Variants in VAT1L observed in about 807,000 individuals in gnomAD.
VAT1L encodes the protein putative NADPH-dependent quinone oxidoreductase VAT1L.
Under a neutral mutation model 44.1 loss-of-function variants are expected in VAT1L, and 34 were observed. The ratio of observed to expected loss-of-function variants is 0.77; its 90% confidence interval spans 0.59 to 1.03. The LOEUF is 1.03. Among genes scored for constraint, VAT1L ranks in the 50% least tolerant of loss-of-function variants. The probability of loss-of-function intolerance (pLI) is 0.00; values close to 1 mark genes in which losing one functional copy is unlikely to be tolerated. For synonymous variants in VAT1L, 253 were observed against 202.2 expected, an observed-to-expected ratio of 1.25 and a Z score of -2.13; for missense variants, 615 against 538.8, an observed-to-expected ratio of 1.14 and a Z score of -1.40.
At position 77,930,705 on chromosome 16, in the gene VAT1L, G is replaced by A. The variant is rs201439433; in HGVS notation, c.1078-41145G>A. ...GCCCCCACTGTTAAGAAAACCTTCAGTCTTCTTCCCAGGAAATGGACATCT... is the reference window on the plus strand; with the variant it reads ...GCCCCCACTGTTAAGAAAACCTTCAATCTTCTTCCCAGGAAATGGACATCT... On this transcript the variant is annotated intron_variant, in intron 7 of 8. Transcript: ENST00000302536. Among the ~76,000 whole-genome samples, 3 of 152,138 alleles carry A rather than the reference G, an allele frequency of 2.0e-5. No individual in the cohort carries two copies. In the East Asian group the frequency reaches 5.8e-4, roughly 29 times the overall value.
chr16:77,951,068 A>G (rs2018036891), intron 7 of VAT1L, among the ~76,000 whole-genome samples: 1 of 152,196 alleles, frequency 6.6e-6, no homozygotes, highest in South Asian at 2.1e-4. Flanking sequence ...AAATATATTA[A>G]CCTGATCAAA....
At position 77,964,161 on chromosome 16, in the gene VAT1L, T is replaced by C. The variant is rs555845216; in HGVS notation, c.1078-7689T>C. ...TCTCCCTGAATCCCTATTGCTCAGCTCTTTCTGTGGCTCACTCCTTCCTGC... is the reference window on the plus strand; with the variant it reads ...TCTCCCTGAATCCCTATTGCTCAGCCCTTTCTGTGGCTCACTCCTTCCTGC... On this transcript the variant is annotated intron_variant, in intron 7 of 8. Transcript: ENST00000302536. Among the ~76,000 whole-genome samples the C allele has an allele frequency of 1.1e-4, 17 of 152,246 alleles. No homozygotes were observed. In the East Asian group the frequency reaches 3.3e-3, roughly 29 times the overall value.
At chr16:77,803,923 T>G (rs948521778) in intron 1 of VAT1L, among the ~76,000 whole-genome samples, 2 of 152,172 alleles carry the variant, frequency 1.3e-5, no homozygotes, top group Non-Finnish European at 2.9e-5. Flanking sequence ...GCCCATTCAG[T>G]GATACTTTCT....
At chr16:77,808,051 T>C (rs898468428) in intron 1 of VAT1L, among the ~76,000 whole-genome samples, 9 of 151,818 alleles carry the variant, frequency 5.9e-5, no homozygotes, top group Non-Finnish European at 1.2e-4. Flanking sequence ...AGACCAGTAC[T>C]GGTCTGTGGC....
chr16:77,811,980 T>C (rs1276042131), intron 1 of VAT1L, among the ~76,000 whole-genome samples: 1 of 152,122 alleles, frequency 6.6e-6, no homozygotes, highest in Non-Finnish European at 1.5e-5. Flanking sequence ...CTTCAGAGAC[T>C]CAGCCAAACT....
chr16:77,931,027 T>G (rs2017725649), intron 7 of VAT1L, among the ~76,000 whole-genome samples: 1 of 152,182 alleles, frequency 6.6e-6, no homozygotes, highest in Non-Finnish European at 1.5e-5. Context: ...TTTACAGATT[T>G]AGCTAAAAAG....
intron 7 of VAT1L, among the ~76,000 whole-genome samples, chr16:77,941,931 T>G (rs1289054540): frequency 6.6e-6 from 1 of 152,142 alleles, no homozygotes; most frequent in Non-Finnish European, 1.5e-5. Flanking sequence ...TTTACACTCC[T>G]CCCAACAGTG....
intron 2 of VAT1L, among the ~76,000 whole-genome samples, chr16:77,818,469 CCCTGAAAGTGCTGCACATAAGAAATATT>C (rs1351989585): frequency 1.3e-5 from 2 of 152,094 alleles, no homozygotes; most frequent in Admixed American, 1.3e-4. Context: ...CACTATCTCA[CCCTGAAAGTGCTGCACATAAGAAATATT>C]ATCTTCTCTT....
intron 7 of VAT1L, among the ~76,000 whole-genome samples, chr16:77,970,491 C>T (rs770071068): frequency 2.2e-4 from 33 of 152,170 alleles, no homozygotes; most frequent in Admixed American, 3.9e-4. Context: ...AATATTACAA[C>T]ATTTAATTCT....
At chr16:77,889,973 G>T (rs180808643) in intron 7 of VAT1L, among the ~76,000 whole-genome samples, 1 of 152,254 alleles carries the variant, frequency 6.6e-6, no homozygotes, top group East Asian at 1.9e-4. Context: ...TATAGTCCCA[G>T]CTACTTGGGA....
chr16:77,854,503 T>C (rs1302283600), intron 3 of VAT1L, among the ~76,000 whole-genome samples: 1 of 152,206 alleles, frequency 6.6e-6, no homozygotes, highest in Non-Finnish European at 1.5e-5. Flanking sequence ...CTGAAAAAAA[T>C]GTTTCTGACT....
At chr16:77,840,127 A>G (rs1268854886) in intron 3 of VAT1L, among the ~76,000 whole-genome samples, 1 of 152,162 alleles carries the variant, frequency 6.6e-6, no homozygotes, top group African/African-American at 2.4e-5. Context: ...TAGCTCTCCA[A>G]GAGAGCCTGC....
At chr16:77,857,360 G>A (rs1421818862) in intron 3 of VAT1L, among the ~76,000 whole-genome samples, 1 of 152,126 alleles carries the variant, frequency 6.6e-6, no homozygotes, top group Non-Finnish European at 1.5e-5. Flanking sequence ...ATTCACCTCG[G>A]GAGTTGGAGA....
In VAT1L at chr16:77,899,374, T is replaced by C. The variant is rs376110814; in HGVS notation, c.1077+14572T>C. Among the ~76,000 whole-genome samples, 71 of 152,314 alleles carry C rather than the reference T, an allele frequency of 4.7e-4. 1 individual carries two copies. Among genetic ancestry groups the C allele is most frequent in the African/African-American group, 1.6e-3 (67 of 41,588 alleles). On this transcript the variant is annotated intron_variant, in intron 7 of 8. Coordinates refer to ENST00000302536, the MANE Select transcript of VAT1L (RefSeq NM_020927.3). The stretch of plus-strand genomic sequence containing the variant: ...GGCATCCTGATTTGCAGTGGAGAGA[T>C]TGGCTTGAACACCCTGGTTCATCAG...
chr16:77,882,560 G>A (rs1230162462), intron 6 of VAT1L, among the ~76,000 whole-genome samples: 6 of 152,226 alleles, frequency 3.9e-5, no homozygotes, highest in Non-Finnish European at 8.8e-5. Context: ...GAGGAACAGT[G>A]AGGAAATTGA....
intron 1 of VAT1L, among the ~76,000 whole-genome samples, chr16:77,789,705 C>G (rs1403153660): frequency 6.6e-6 from 1 of 152,156 alleles, no homozygotes; most frequent in African/African-American, 2.4e-5. Flanking sequence ...GGAAAAAACC[C>G]TGATCAGTCT....
At chr16:77,827,359 C>T (rs2016533606) in intron 3 of VAT1L, among the ~76,000 whole-genome samples, 2 of 152,200 alleles carry the variant, frequency 1.3e-5, no homozygotes, top group Non-Finnish European at 2.9e-5. Flanking sequence ...ACATTTACAC[C>T]TATGATATTT....
chr16:77,932,465 A>G (rs762816595), intron 7 of VAT1L, among the ~76,000 whole-genome samples: 5 of 152,200 alleles, frequency 3.3e-5, no homozygotes, highest in Non-Finnish European at 7.3e-5. Context: ...TCTTTCCTGC[A>G]GGACTTCTTG....
chr16:77,882,369 A>G (rs1293599909), intron 6 of VAT1L: 1 of 152,252 alleles, frequency 6.6e-6, no homozygotes, highest in African/African-American at 2.4e-5. Context: ...TAATAGAAGA[A>G]GTTAACATTT....
Sources: gnomAD v4.1 joint callset for allele counts (sites outside exome capture counted in the v4.1 genomes callset) on GRCh38, gnomAD v4.1.1 for gene constraint, MANE v1.5 for transcripts, NCBI Gene and HGNC (gene_info 2026-07-23, HGNC 2026-07-21) for gene names.